Variants in AZIN2 observed in about 807,000 individuals in gnomAD.
AZIN2 encodes ODC antizyme inhibitor-2.
In AZIN2, 28 loss-of-function variants were observed where a neutral mutation model predicts 47.8. The observed-to-expected ratio is 0.59, with a 90% CI of 0.43 to 0.80. The LOEUF is 0.80. Ranked by LOEUF, AZIN2 falls within the 30% of genes least tolerant of loss-of-function variation. The pLI is 0.00. For missense variants in AZIN2, 535 were observed against 582.5 expected (o/e 0.92, Z 0.84); for synonymous variants, 221 against 239.4 (o/e 0.92, Z 0.71).
At chr1:33,129,141 G>A in the AZIN2 span, among the ~76,000 whole-genome samples, 3 of 152,182 alleles carry the variant, frequency 2.0e-5, no homozygotes, top group Non-Finnish European at 4.4e-5. The surrounding 1 kb of genome is among the most constrained non-coding windows in gnomAD (Gnocchi z 4.1). Flanking sequence ...CCGGAGTATA[G>A]GATGGAAGGT....
the AZIN2 span, among the ~76,000 whole-genome samples, chr1:33,152,337 A>C: frequency 0.023 from 3,530 of 152,268 alleles, 111 homozygotes; most frequent in African/African-American, 0.08. Flanking sequence ...AGGCCGAGGC[A>C]GGCGGATCAC....
chr1:33,100,432 G>T (rs866765043), intron 10 of AZIN2, among the ~76,000 whole-genome samples: 1 of 151,788 alleles, frequency 6.6e-6, no homozygotes, highest in Non-Finnish European at 1.5e-5. Flanking sequence ...TTTCTTTTTG[G>T]TTTTTATTTT....
At chr1:33,101,889 G>A in intron 10 of AZIN2, 2 of 779,246 alleles carry the variant, frequency 2.6e-6, no homozygotes, top group Admixed American at 1.7e-5. Context: ...TCATTGCCGT[G>A]TAGCGCTCTT....
chr1:33,151,320 G>A, the AZIN2 span, among the ~76,000 whole-genome samples: 2 of 152,084 alleles, frequency 1.3e-5, no homozygotes, highest in African/African-American at 4.8e-5. Flanking sequence ...ACTCTCTTAG[G>A]CGGGGGTGTG....
intron 5 of AZIN2, among the ~76,000 whole-genome samples, chr1:33,088,782 C>T (rs955336072): frequency 6.6e-6 from 1 of 152,218 alleles, no homozygotes; most frequent in East Asian, 1.9e-4. Flanking sequence ...TGGCTGAGGC[C>T]TCCTGCAGGG....
chr1:33,136,290 CTTTCTTTCTT>C, the AZIN2 span, among the ~76,000 whole-genome samples: 3 of 137,434 alleles, frequency 2.2e-5, no homozygotes, highest in Admixed American at 1.4e-4. Context: ...TCTTCCTTTC[CTTTCTTTCTT>C]TTTCTTTCTT....
intron 10 of AZIN2, among the ~76,000 whole-genome samples, chr1:33,105,756 G>T (rs1435495927): frequency 6.6e-6 from 1 of 152,196 alleles, no homozygotes; most frequent in East Asian, 1.9e-4. Flanking sequence ...GTGTAAAGAT[G>T]CAATTCAACA....
At position 33,081,827 on chromosome 1, in the gene AZIN2, G is replaced by T. The variant is rs1423929413; in HGVS notation, c.-73+15G>T. ...CTACCCTCTAGGTGGGCGTGGTCAA[G>T]ACTGGGGGCGCCCTGGAAACTTCCC... On this transcript the variant is annotated intron_variant, in intron 3 of 11. Coordinates refer to ENST00000294517, the MANE Select transcript of AZIN2 (RefSeq NM_052998.4). This position sits in a 1 kb window ranked among gnomAD's most constrained non-coding sequence, Gnocchi z 4.2. The T allele has an allele frequency of 1.1e-5, 3 of 273,232 alleles. No individual in the cohort carries two copies. The highest frequency in any genetic ancestry group is 3.3e-5 in the South Asian group (1 of 30,728). 16.9% of individuals were successfully genotyped at this position (273,232 alleles called of 1,614,324 possible). A position where few individuals can be genotyped will look rare whatever the true frequency, so the allele number is the denominator to read the frequency against.
chr1:33,103,899 T>C (rs919891205), intron 10 of AZIN2, among the ~76,000 whole-genome samples: 2 of 152,098 alleles, frequency 1.3e-5, no homozygotes, highest in Admixed American at 1.3e-4. Flanking sequence ...TTTTTTTTTT[T>C]TGAGATGGAG....
intron 4 of AZIN2, 165 bp downstream of exon 4, chr1:33,082,519 C>A (rs1361695520): frequency 8.9e-6 from 5 of 563,366 alleles, no homozygotes; most frequent in South Asian, 6.5e-5. Context: ...TTTGTCCTTG[C>A]CCCCAAACCT....
At chr1:33,143,856 C>T in the AZIN2 span, among the ~76,000 whole-genome samples, 2 of 152,238 alleles carry the variant, frequency 1.3e-5, no homozygotes, top group Admixed American at 6.5e-5. Context: ...CTACTTCCCT[C>T]ATTTCTGTTT....
At chr1:33,165,461 CCAGGCT>C in the AZIN2 span, 1 of 1,587,078 alleles carries the variant, frequency 6.3e-7, no homozygotes, top group African/African-American at 1.3e-5. The surrounding 1 kb of genome is among the most constrained non-coding windows in gnomAD (Gnocchi z 4.0). Context: ...CGCGCCCCGG[CCAGGCT>C]CACCTTGGTC....
intron 10 of AZIN2, among the ~76,000 whole-genome samples, chr1:33,106,125 C>T (rs1485599247): frequency 6.6e-6 from 1 of 152,118 alleles, no homozygotes; most frequent in Non-Finnish European, 1.5e-5. Context: ...TAAGAGACCA[C>T]TACTAGCATG....
chr1:33,105,893 A>G (rs1643981777), intron 10 of AZIN2, among the ~76,000 whole-genome samples: 1 of 152,220 alleles, frequency 6.6e-6, no homozygotes, highest in African/African-American at 2.4e-5. Flanking sequence ...ACCCCAGTCC[A>G]TGAAGAGAGA....
At chr1:33,107,442 C>T (rs1228933603) in intron 10 of AZIN2, among the ~76,000 whole-genome samples, 6 of 151,460 alleles carry the variant, frequency 4.0e-5, no homozygotes, top group Admixed American at 3.3e-4. Flanking sequence ...TAGCTGGGCA[C>T]GGTGATGGGT....
chr1:33,110,240 C>G (rs757601446), intron 10 of AZIN2, among the ~76,000 whole-genome samples: 15 of 152,172 alleles, frequency 9.9e-5, no homozygotes, highest in Non-Finnish European at 1.8e-4. Context: ...GTCTGAAAAA[C>G]CTTAAGCCTC....
chr1:33,090,644 T>C (rs79061339), intron 5 of AZIN2, among the ~76,000 whole-genome samples: 4,046 of 152,290 alleles, frequency 0.027, 188 homozygotes, highest in African/African-American at 0.092. Context: ...TATGTATACG[T>C]TGTGGAATGG....
chr1:33,119,793 A>ATTT, intron 11 of AZIN2: 1 of 567,904 alleles, frequency 1.8e-6, no homozygotes, highest in East Asian at 3.0e-5. Flanking sequence ...AATAGATAAT[A>ATTT]TAAGTGCCTG....
chr1:33,083,922 G>C, intron 4 of AZIN2, 32 bp from the exon 5 acceptor site: 1 of 1,612,582 alleles, frequency 6.2e-7, no homozygotes, highest in South Asian at 1.1e-5. Context: ...AGCTGGATGG[G>C]GTCTCACATT....
Sources: allele counts gnomAD v4.1 joint callset (sites outside exome capture counted in the v4.1 genomes callset), GRCh38; gene constraint gnomAD v4.1.1; non-coding constraint Gnocchi (gnomAD v3.1); transcripts MANE v1.5; gene names NCBI Gene and HGNC (gene_info 2026-07-23, HGNC 2026-07-21).